KCNH7: variants seen among roughly 807,000 people sequenced by gnomAD.
The protein encoded by KCNH7 is potassium voltage-gated channel subfamily H member 7, also known as voltage-gated inwardly rectifying potassium channel KCNH7.
A neutral mutation model predicts 120.8 loss-of-function variants in KCNH7; 49 were observed. That is an observed-to-expected ratio of 0.41 (90% confidence interval 0.32 to 0.51). The LOEUF is 0.51. KCNH7 is among the 20% of genes least tolerant of loss of function. The pLI is 0.38. For synonymous variants in KCNH7, 547 were observed against 516.1 expected (o/e 1.06, Z -0.81); for missense variants, 1,097 against 1,446.6 (o/e 0.76, Z 3.92).
At chr2:162,476,641 A>G (rs558191580) in intron 6 of KCNH7, among the ~76,000 whole-genome samples, 52 of 152,308 alleles carry the variant, frequency 3.4e-4, no homozygotes, top group Non-Finnish European at 5.7e-4. Context: ...TACTAAATAT[A>G]TTTTAAAACA....
chr2:162,766,930 A>G (rs1682839783), intron 2 of KCNH7, among the ~76,000 whole-genome samples: 1 of 151,814 alleles, frequency 6.6e-6, no homozygotes, highest in Non-Finnish European at 1.5e-5. Flanking sequence ...TTTTATTTCT[A>G]CACAAAGAGT....
chr2:162,645,637 T>A (rs1174751613), intron 2 of KCNH7, among the ~76,000 whole-genome samples: 2 of 152,212 alleles, frequency 1.3e-5, no homozygotes, highest in Non-Finnish European at 2.9e-5. Context: ...TAGACTTTTT[T>A]AGGTTATAAA....
chr2:162,748,462 T>A (rs960411960), intron 2 of KCNH7, among the ~76,000 whole-genome samples: 5 of 152,178 alleles, frequency 3.3e-5, no homozygotes, highest in Admixed American at 3.3e-4. Context: ...ATGAACAATT[T>A]TTTTTTGTGT....
rs531481837 is a variant in KCNH7, at chr2:162,749,442, G to A, written c.307+87095C>T. Among the ~76,000 whole-genome samples the A allele has an allele frequency of 3.9e-5, 6 of 152,170 alleles. No homozygotes were observed. The East Asian group carries it at 1.2e-3, about 29-fold the overall frequency. Reference sequence around the variant, plus strand: ...AAAATAAACAAAAATCTCTGCTCTTGTGGGGCTTATGTCCTAATTTAGGCT... The same window carrying A: ...AAAATAAACAAAAATCTCTGCTCTTATGGGGCTTATGTCCTAATTTAGGCT... On this transcript the variant is annotated intron_variant, in intron 2 of 15. Coordinates refer to ENST00000332142, the MANE Select transcript of KCNH7 (RefSeq NM_033272.4).
At chr2:162,651,120 T>G (rs962465859) in intron 2 of KCNH7, among the ~76,000 whole-genome samples, 2 of 152,226 alleles carry the variant, frequency 1.3e-5, no homozygotes, top group African/African-American at 4.8e-5. Flanking sequence ...TAAAATGTTC[T>G]GTATGCATGT....
At chr2:162,676,543 C>A (rs546978234) in intron 2 of KCNH7, among the ~76,000 whole-genome samples, 1 of 151,328 alleles carries the variant, frequency 6.6e-6, no homozygotes, top group East Asian at 1.9e-4. Flanking sequence ...TGAAAAGGGA[C>A]AAAATAGAAA....
chr2:162,414,792 A>T (rs570818106), intron 9 of KCNH7, among the ~76,000 whole-genome samples: 49 of 152,144 alleles, frequency 3.2e-4, no homozygotes, highest in Admixed American at 9.2e-4. Context: ...TTCATAAAAA[A>T]GTAGAGATGT....
At chr2:162,646,796 A>C (rs1485244906) in intron 2 of KCNH7, among the ~76,000 whole-genome samples, 1 of 152,220 alleles carries the variant, frequency 6.6e-6, no homozygotes, top group Admixed American at 6.5e-5. Flanking sequence ...GATGCTGCCA[A>C]CAACCTGAAT....
chr2:162,390,752 A>T (rs891729488), intron 12 of KCNH7, among the ~76,000 whole-genome samples: 2 of 147,276 alleles, frequency 1.4e-5, no homozygotes, highest in African/African-American at 5.4e-5. Flanking sequence ...TCAAATTTCT[A>T]CCTGCACTTA....
chr2:162,405,057 T>C (rs1442314127), intron 9 of KCNH7, among the ~76,000 whole-genome samples: 9 of 152,028 alleles, frequency 5.9e-5, no homozygotes, highest in Admixed American at 5.9e-4. Context: ...AGCTCTAATT[T>C]CATTTCTCAA....
chr2:162,469,848 A>G (rs1304606567), intron 6 of KCNH7, among the ~76,000 whole-genome samples: 1 of 152,106 alleles, frequency 6.6e-6, no homozygotes, highest in African/African-American at 2.4e-5. Context: ...CTGCGATTGC[A>G]GGCGCGCGCC....
chr2:162,780,676 A>G (rs1336780219), intron 2 of KCNH7, among the ~76,000 whole-genome samples: 1 of 152,154 alleles, frequency 6.6e-6, no homozygotes, highest in Non-Finnish European at 1.5e-5. Context: ...CACAGCCCCC[A>G]TGTCTAACCT....
intron 9 of KCNH7, among the ~76,000 whole-genome samples, chr2:162,409,064 A>T (rs1687311977): frequency 6.6e-6 from 1 of 151,900 alleles, no homozygotes; most frequent in South Asian, 2.1e-4. Flanking sequence ...TATCAAAAAA[A>T]TAAGAAAAAG....
At chr2:162,477,553 A>C (rs1391250558) in intron 6 of KCNH7, among the ~76,000 whole-genome samples, 1 of 152,232 alleles carries the variant, frequency 6.6e-6, no homozygotes, top group Non-Finnish European at 1.5e-5. Flanking sequence ...CAGGCCCTAA[A>C]AAAAAGCAGG....
At chr2:162,536,842 C>A in intron 3 of KCNH7, 83 bp downstream of exon 3, 1 of 1,201,384 alleles carries the variant, frequency 8.3e-7, no homozygotes, top group South Asian at 1.6e-5. Context: ...ATTTTGAGAA[C>A]TGAATTGAAA....
chr2:162,774,089 AG>A (rs1683154752), intron 2 of KCNH7, among the ~76,000 whole-genome samples: 1 of 152,142 alleles, frequency 6.6e-6, no homozygotes, highest in Non-Finnish European at 1.5e-5. Context: ...AGTAAGTTCA[AG>A]GGATATACCA....
intron 2 of KCNH7, among the ~76,000 whole-genome samples, chr2:162,620,484 C>T (rs1166156219): frequency 6.6e-6 from 1 of 151,866 alleles, no homozygotes; most frequent in Non-Finnish European, 1.5e-5. Context: ...CCTTTTTTGA[C>T]CCCTGAAAGC....
intron 6 of KCNH7, among the ~76,000 whole-genome samples, chr2:162,479,081 T>C (rs1689839861): frequency 6.6e-6 from 1 of 150,648 alleles, no homozygotes; most frequent in African/African-American, 2.4e-5. Flanking sequence ...TTTAGGTCAG[T>C]GGGAATGACT....
In KCNH7 at chr2:162,377,683, A is replaced by AT. The variant is rs758267113; in HGVS notation, c.3131+2169dup. The stretch of plus-strand genomic sequence containing the variant: ...TGATAGTTTTTGTTATCAGGCATAC[A>AT]TCCCTCTCTTCCTGGCCCTCCCCAG... On this transcript the variant is annotated intron_variant, in intron 14 of 15. Transcript: ENST00000332142. 2.6e-5 allele frequency among the ~76,000 whole-genome samples: 4 copies of AT among 152,194 alleles called. No homozygotes were observed. The South Asian group carries it at 6.2e-4, about 24-fold the overall frequency.
Sources: gnomAD v4.1 joint callset for allele counts (sites outside exome capture counted in the v4.1 genomes callset) on GRCh38, gnomAD v4.1.1 for gene constraint, MANE v1.5 for transcripts, NCBI Gene and HGNC (gene_info 2026-07-23, HGNC 2026-07-21) for gene names.